Variants in GALNT10 observed in about 807,000 individuals in gnomAD.
GALNT10 encodes polypeptide N-acetylgalactosaminyltransferase 10.
A neutral mutation model predicts 75.0 loss-of-function variants in GALNT10; 41 were observed. That is an observed-to-expected ratio of 0.55 (90% CI 0.43 to 0.71). The LOEUF is 0.71. Ranked by LOEUF, GALNT10 falls within the 30% of genes least tolerant of loss-of-function variation. The pLI, the probability that GALNT10 is intolerant of heterozygous loss-of-function variation, is 0.00. For missense variants in GALNT10, 727 were observed against 818.5 expected (o/e 0.89, Z 1.36); for synonymous variants, 302 against 313.0 (o/e 0.96, Z 0.37).
At chr5:154,224,583 C>A (rs1410961144) in intron 1 of GALNT10, among the ~76,000 whole-genome samples, 1 of 152,176 alleles carries the variant, frequency 6.6e-6, no homozygotes, top group Admixed American at 6.6e-5. Context: ...ACTATTTGTA[C>A]ATTTATTTAT....
intron 1 of GALNT10, among the ~76,000 whole-genome samples, chr5:154,269,520 A>G (rs915540637): frequency 6.6e-6 from 1 of 152,182 alleles, no homozygotes; most frequent in African/African-American, 2.4e-5. Context: ...GGCTCAATAT[A>G]TCTATAAATG....
At chr5:154,280,155 G>A (rs987156697) in intron 1 of GALNT10, among the ~76,000 whole-genome samples, 2 of 152,202 alleles carry the variant, frequency 1.3e-5, no homozygotes, top group African/African-American at 4.8e-5. Context: ...AATAAACCAG[G>A]CACAGAAAGA....
chr5:154,230,480 C>G (rs1306587338), intron 1 of GALNT10, among the ~76,000 whole-genome samples: 1 of 152,224 alleles, frequency 6.6e-6, no homozygotes, highest in African/African-American at 2.4e-5. Flanking sequence ...TAAGGGGACA[C>G]TGCCCCTTGG....
chr5:154,336,804 G>A (rs1022060895), intron 4 of GALNT10, among the ~76,000 whole-genome samples: 3 of 151,992 alleles, frequency 2.0e-5, no homozygotes, highest in East Asian at 1.9e-4. Flanking sequence ...CATGTTTATC[G>A]AGCTTCTACT....
At chr5:154,248,679 C>A (rs189389973) in intron 1 of GALNT10, among the ~76,000 whole-genome samples, 1 of 152,034 alleles carries the variant, frequency 6.6e-6, no homozygotes, top group African/African-American at 2.4e-5. Flanking sequence ...TTTTTTATTG[C>A]GTCTATTTGA....
Position 154,219,832 on chromosome 5 carries a change from T to TCACACA in GALNT10, c.159+28808_159+28809insACACAC, listed in dbSNP as rs775014222. Among the ~76,000 whole-genome samples, 20 of 80,222 alleles carry TCACACA rather than the reference T, an allele frequency of 2.5e-4. No homozygotes were observed. The South Asian group carries it at 5.1e-3, about 21-fold the overall frequency. The allele number at this position is 80,222 out of a possible 152,430, so 52.6% of individuals were successfully genotyped here. ...CTCGCGCTCTCTCTCTCTCTCTCTC[T>TCACACA]CTCTCTCACACACACACACACACAC... On this transcript the variant is annotated intron_variant, in intron 1 of 11. Coordinates refer to ENST00000297107, the MANE Select transcript of GALNT10 (RefSeq NM_198321.4).
At chr5:154,278,454 T>C (rs2113049758) in intron 1 of GALNT10, among the ~76,000 whole-genome samples, 1 of 152,354 alleles carries the variant, frequency 6.6e-6, no homozygotes, top group South Asian at 2.1e-4. Flanking sequence ...TATGCTAATA[T>C]ACTTTATGAA....
chr5:154,286,400 T>C (rs908183614), intron 1 of GALNT10, among the ~76,000 whole-genome samples: 12 of 146,504 alleles, frequency 8.2e-5, no homozygotes, highest in South Asian at 4.3e-4. Flanking sequence ...TTTTTTTTTT[T>C]CCCAGTGATA....
At chr5:154,281,377 T>C (rs558020663) in intron 1 of GALNT10, among the ~76,000 whole-genome samples, 1 of 152,228 alleles carries the variant, frequency 6.6e-6, no homozygotes, top group South Asian at 2.1e-4. Flanking sequence ...AGAAATAAAA[T>C]TGATTTTTGT....
chr5:154,394,976 G>A (rs942134427), intron 7 of GALNT10, among the ~76,000 whole-genome samples: 9 of 152,164 alleles, frequency 5.9e-5, no homozygotes, highest in Non-Finnish European at 8.8e-5. Flanking sequence ...CATGACTCTC[G>A]GCAAGTCATT....
At position 154,412,838 on chromosome 5, in the gene GALNT10, G is replaced by A; in HGVS notation, c.1387-51G>A. 2.4e-6 allele frequency: 3 copies of A among 1,241,016 alleles called. No individual in the cohort carries two copies. The highest frequency in any genetic ancestry group is 1.9e-4 in the Middle Eastern group (1 of 5,336). 76.9% of individuals were successfully genotyped at this position (1,241,016 alleles called of 1,614,324 possible). A position where few individuals can be genotyped will look rare whatever the true frequency, so the allele number is the denominator to read the frequency against. On this transcript the variant is annotated intron_variant, in intron 9 of 11. Coordinates refer to ENST00000297107, the MANE Select transcript of GALNT10 (RefSeq NM_198321.4). The surrounding 1 kb of genome is among the most constrained non-coding windows in gnomAD (Gnocchi z 4.2). ...CCCTTTCACCTGGCAGGGACCCGGT[G>A]GGCACCTTAAGGCACCTCAGTGGTC...
At chr5:154,322,282 G>A (rs1437978921) in intron 3 of GALNT10, among the ~76,000 whole-genome samples, 1 of 152,102 alleles carries the variant, frequency 6.6e-6, no homozygotes, top group Non-Finnish European at 1.5e-5. Flanking sequence ...GTTCCCAGCT[G>A]CTAAGAGCTG....
At chr5:154,227,459 T>G (rs896668520) in intron 1 of GALNT10, among the ~76,000 whole-genome samples, 1 of 152,236 alleles carries the variant, frequency 6.6e-6, no homozygotes, top group African/African-American at 2.4e-5. Context: ...ATCTTTTTTT[T>G]GTTATGTGTC....
At chr5:154,302,449 T>A (rs1290669120) in intron 3 of GALNT10, among the ~76,000 whole-genome samples, 1 of 152,238 alleles carries the variant, frequency 6.6e-6, no homozygotes, top group African/African-American at 2.4e-5. Context: ...GCTGGCCCAC[T>A]TTCCCTACTC....
chr5:154,294,732 A>T (rs1477638098), intron 1 of GALNT10, 84 bp from the exon 2 acceptor site: 1 of 717,440 alleles, frequency 1.4e-6, no homozygotes, highest in East Asian at 2.6e-5. Context: ...GGTCAATACA[A>T]AGCTCCCTTA....
chr5:154,396,629 CAT>C (rs1362890261), intron 7 of GALNT10, among the ~76,000 whole-genome samples: 1 of 152,190 alleles, frequency 6.6e-6, no homozygotes, highest in East Asian at 1.9e-4. Flanking sequence ...TCGGTTTCCT[CAT>C]GTGTAAAGGG....
At chr5:154,324,141 C>T (rs1003954914) in intron 3 of GALNT10, among the ~76,000 whole-genome samples, 1 of 152,206 alleles carries the variant, frequency 6.6e-6, no homozygotes, top group Non-Finnish European at 1.5e-5. Context: ...GCTTCAGGCT[C>T]ATTGTGTGTA....
chr5:154,268,728 C>A (rs940437884), intron 1 of GALNT10, among the ~76,000 whole-genome samples: 1 of 152,160 alleles, frequency 6.6e-6, no homozygotes, highest in African/African-American at 2.4e-5. Context: ...AGATTTATTT[C>A]TCATTTAATA....
chr5:154,386,707 A>G (rs1755812580), intron 7 of GALNT10: 1 of 571,482 alleles, frequency 1.7e-6, no homozygotes, highest in Non-Finnish European at 3.1e-6. Context: ...AGATGTTGGA[A>G]TAAGGTCTTG....
Sources: gnomAD v4.1 joint callset for allele counts (sites outside exome capture counted in the v4.1 genomes callset) on GRCh38, gnomAD v4.1.1 for gene constraint, Gnocchi (gnomAD v3.1) non-coding constraint, MANE v1.5 for transcripts, NCBI Gene and HGNC (gene_info 2026-07-23, HGNC 2026-07-21) for gene names.